Variants in ZNF236 observed in about 807,000 individuals in gnomAD.
The protein encoded by ZNF236 is regulated by glucose.
In ZNF236, 50 loss-of-function variants were observed where a neutral mutation model predicts 191.2. The observed-to-expected ratio is 0.26, with a 90% CI of 0.21 to 0.33. The LOEUF (loss-of-function observed/expected upper bound fraction) is 0.33, where lower values mean the gene tolerates loss of function less well. Among genes scored for constraint, ZNF236 ranks in the 10% least tolerant of loss-of-function variants. The pLI, the probability that ZNF236 is intolerant of heterozygous loss-of-function variation, is 1.00. For synonymous variants in ZNF236, 907 were observed against 928.8 expected (o/e 0.98, Z 0.43); for missense variants, 1,754 against 2,374.5 (o/e 0.74, Z 5.43).
At chr18:76,940,795 A>C (rs922741536) in intron 26 of ZNF236, among the ~76,000 whole-genome samples, 3 of 152,054 alleles carry the variant, frequency 2.0e-5, no homozygotes, top group Non-Finnish European at 4.4e-5. Flanking sequence ...GGGGTCCCCA[A>C]CTCCCAGGTT....
chr18:76,856,391 C>T (rs1976042468), intron 3 of ZNF236, among the ~76,000 whole-genome samples: 1 of 152,096 alleles, frequency 6.6e-6, no homozygotes, highest in South Asian at 2.1e-4. Context: ...CCATGTTGGC[C>T]AGGCTGGTCT....
At chr18:76,890,329 C>T (rs1223513266) in intron 9 of ZNF236, among the ~76,000 whole-genome samples, 1 of 152,120 alleles carries the variant, frequency 6.6e-6, no homozygotes, top group African/African-American at 2.4e-5. Context: ...CATCCTTGTA[C>T]ATAATCATAG....
At chr18:76,888,998 C>G (rs957941864) in intron 9 of ZNF236, among the ~76,000 whole-genome samples, 2 of 152,174 alleles carry the variant, frequency 1.3e-5, no homozygotes, top group African/African-American at 4.8e-5. Flanking sequence ...CCTCTCCTGC[C>G]AAGAAACTTT....
At chr18:76,874,807 C>T (rs950655854) in intron 5 of ZNF236, among the ~76,000 whole-genome samples, 2 of 152,050 alleles carry the variant, frequency 1.3e-5, no homozygotes, top group African/African-American at 2.4e-5. Context: ...TGTCTGAGGG[C>T]GGTGGCAGAA....
In ZNF236 at chr18:76,855,964, A is replaced by G. The variant is rs192788648; in HGVS notation, c.363+4025A>G. On this transcript the variant is annotated intron_variant, in intron 3 of 30. Transcript: ENST00000320610. ...GGATATGTGAATTCAAAATTTTGAT[A>G]TTGTCAAATTGTTTTCCAAAGAGAT... is the stretch of plus-strand genomic sequence containing the variant. 3.9e-5 allele frequency among the ~76,000 whole-genome samples: 6 copies of G among 152,246 alleles called. No individual in the cohort carries two copies. The East Asian group carries it at 1.2e-3, about 29-fold the overall frequency.
At chr18:76,918,356 C>T (rs1207914213) in intron 19 of ZNF236, among the ~76,000 whole-genome samples, 2 of 152,154 alleles carry the variant, frequency 1.3e-5, no homozygotes, top group African/African-American at 4.8e-5. Flanking sequence ...GTAACCTACA[C>T]GCATCCACTT....
At position 76,971,654 on chromosome 18, in the gene ZNF236, T is replaced by C. The variant is rs1968909862; in HGVS notation, c.*3315T>C. Among the ~76,000 whole-genome samples, 1 of 152,260 alleles carries C rather than the reference T, an allele frequency of 6.6e-6. No individual in the cohort carries two copies. Among genetic ancestry groups the C allele is most frequent in the Non-Finnish European group, 1.5e-5 (1 of 68,042 alleles). ...ATTTTTAGAAGTAGAAGTGGATTTC[T>C]TGTCTTGCTGTGGGTTTTCCTCATT... On this transcript the variant is annotated 3_prime_UTR_variant, in exon 31 of 31. Coordinates refer to ENST00000320610, the MANE Select transcript of ZNF236 (RefSeq NM_001306089.2).
At chr18:76,828,857 G>C (rs1975084973) in intron 1 of ZNF236, among the ~76,000 whole-genome samples, 1 of 152,114 alleles carries the variant, frequency 6.6e-6, no homozygotes, top group Admixed American at 6.5e-5. Flanking sequence ...AGTAGAGACG[G>C]GGTTTCACCA....
Position 76,916,640 on chromosome 18 carries a change from C to T in ZNF236, c.3274+781C>T, listed in dbSNP as rs115917227. Among the ~76,000 whole-genome samples, 1,262 of 152,308 alleles carry T rather than the reference C, an allele frequency of 8.3e-3. 18 individuals carry two copies. The highest frequency in any genetic ancestry group is 0.028 in the African/African-American group (1,159 of 41,540). On this transcript the variant is annotated intron_variant, in intron 19 of 30. Coordinates refer to ENST00000320610, the MANE Select transcript of ZNF236 (RefSeq NM_001306089.2). ...TGAAATTATACAGTTACGAATAGAG[C>T]ACATTTTATATTTTGACACGTTGCG...
At chr18:76,905,500 T>C in intron 13 of ZNF236, 85 bp downstream of exon 13, 1 of 1,407,716 alleles carries the variant, frequency 7.1e-7, no homozygotes, top group Non-Finnish European at 9.6e-7. Flanking sequence ...ATAATTGTCT[T>C]TGATTCTTAC....
Position 76,970,778 on chromosome 18 carries a change from T to C in ZNF236, c.*2439T>C, listed in dbSNP as rs1348297443. ...ATATTTAAGATAAAACAGTTTGGCA[T>C]GTAAATTAATTTCAAGTTCAGATAT... On this transcript the variant is annotated 3_prime_UTR_variant, in exon 31 of 31. Transcript: ENST00000320610. 1 of 152,274 alleles carries C rather than the reference T, an allele frequency of 6.6e-6. No individual in the cohort carries two copies. The highest frequency in any genetic ancestry group is 6.5e-5 in the Admixed American group (1 of 15,288). 9.4% of individuals were successfully genotyped at this position (152,274 alleles called of 1,614,324 possible).
At chr18:76,886,955 CG>C (rs1440588441) in intron 9 of ZNF236, 4 of 196,428 alleles carry the variant, frequency 2.0e-5, no homozygotes, top group Admixed American at 9.0e-5. Flanking sequence ...TCTGAATTCA[CG>C]TAGTCCAGCT....
chr18:76,937,089 C>G (rs780572332), intron 25 of ZNF236, 67 bp from the exon 26 acceptor site: 47 of 1,484,792 alleles, frequency 3.2e-5, no homozygotes, highest in African/African-American at 4.1e-5. Flanking sequence ...GCATCGCTCT[C>G]CCTATGCCCT....
chr18:76,872,458 G>A (rs1412135336), intron 5 of ZNF236, among the ~76,000 whole-genome samples: 1 of 152,142 alleles, frequency 6.6e-6, no homozygotes. Flanking sequence ...GAGCAAGAAG[G>A]TCCTGACTCT....
intron 27 of ZNF236, among the ~76,000 whole-genome samples, chr18:76,950,468 T>C (rs1376533099): frequency 2.0e-5 from 3 of 152,124 alleles, no homozygotes; most frequent in African/African-American, 7.2e-5. Context: ...TGCTCAGTTA[T>C]ATATACCATG....
In ZNF236 at chr18:76,970,866, C is replaced by G. The variant is rs937191194; in HGVS notation, c.*2527C>G. 1 of 152,254 alleles carries G rather than the reference C, an allele frequency of 6.6e-6. No individual in the cohort carries two copies. The highest frequency in any genetic ancestry group is 1.5e-5 in the Non-Finnish European group (1 of 68,054). 9.4% of individuals were successfully genotyped at this position (152,254 alleles called of 1,614,324 possible). ...CTGTGAAGTTCAGAGGCGTTTACCC[C>G]TGCAGTGTCCACTGGAAAGGCTTCA... On this transcript the variant is annotated 3_prime_UTR_variant, in exon 31 of 31. Coordinates refer to ENST00000320610, the MANE Select transcript of ZNF236 (RefSeq NM_001306089.2).
rs1429439918 is a variant in ZNF236, at chr18:76,904,463, A to G, written c.1978A>G (p.Lys660Glu). 6.2e-7 allele frequency: 1 copy of G among 1,611,522 alleles called. No individual in the cohort carries two copies. The highest frequency in any genetic ancestry group is 8.5e-7 in the Non-Finnish European group (1 of 1,178,960). ...TGTCAATGAAGCAGATAGACCATAC[A>G]AGTGTTTTTACTGTCATCGTGCATA... ...NFVNEADRPY[K>E]CFYCHRAYKK... The change falls in exon 12 of 31, where the codon AAG becomes GAG. Residue 660 changes from lysine (K) to glutamate (E), a missense_variant. By Grantham distance (56) the Lys-to-Glu change is moderately conservative. Around this residue, in one of 5 missense-constraint regions of ZNF236, gnomAD observed 641 missense variants for 869.6 expected, o/e 0.74. Coordinates refer to ENST00000320610, the MANE Select transcript of ZNF236 (RefSeq NM_001306089.2).
rs531287599 is a variant in ZNF236, at chr18:76,960,223, A to C, written c.5242+407A>C. Among the ~76,000 whole-genome samples the C allele has an allele frequency of 3.8e-4, 58 of 152,214 alleles. 1 individual carries two copies. Among genetic ancestry groups the C allele is most frequent in the African/African-American group, 1.3e-3 (53 of 41,538 alleles). On this transcript the variant is annotated intron_variant, in intron 29 of 30. Transcript: ENST00000320610. The surrounding 1 kb of genome is among the most constrained non-coding windows in gnomAD (Gnocchi z 4.4). ...CTTTTTTTCTCTGCTGGCTTTTCCT[A>C]CACCACCTAAATCTGCTCAAACCTT...
chr18:76,863,873 G>A (rs1976318767), intron 3 of ZNF236, among the ~76,000 whole-genome samples: 1 of 152,222 alleles, frequency 6.6e-6, no homozygotes, highest in African/African-American at 2.4e-5. Flanking sequence ...ACACCAGAAG[G>A]AGGCTTGGAA....
Sources: allele counts gnomAD v4.1 joint callset (sites outside exome capture counted in the v4.1 genomes callset), GRCh38; gene constraint gnomAD v4.1.1; regional missense constraint gnomAD v4.1.1; non-coding constraint Gnocchi (gnomAD v3.1); transcripts MANE v1.5; gene names NCBI Gene and HGNC (gene_info 2026-07-23, HGNC 2026-07-21).